The following MYBPC1 variants were observed in gnomAD, a reference collection of about 807,000 sequenced individuals.
MYBPC1 encodes myosin binding protein C1.
In MYBPC1, 52 loss-of-function variants were observed where a neutral mutation model predicts 147.1. That is an observed-to-expected ratio of 0.35 (90% CI 0.28 to 0.45). MYBPC1 has a LOEUF of 0.45. Among genes scored for constraint, MYBPC1 ranks in the 20% least tolerant of loss-of-function variants. The pLI, the probability that MYBPC1 is intolerant of heterozygous loss-of-function variation, is 1.00. For missense variants in MYBPC1, 1,228 were observed against 1,440.3 expected, an observed-to-expected ratio of 0.85 and a Z score of 2.39; for synonymous variants, 477 against 475.9, an observed-to-expected ratio of 1.00 and a Z score of -0.03.
In MYBPC1 at chr12:101,622,085, A is replaced by G. The variant is rs61935674; in HGVS notation, c.104-4787A>G. Among the ~76,000 whole-genome samples the G allele has an allele frequency of 8.9e-3, 1,361 of 152,334 alleles. 14 individuals carry two copies. The highest frequency in any genetic ancestry group is 0.017 in the Middle Eastern group (5 of 294). On this transcript the variant is annotated intron_variant, in intron 3 of 31. Transcript: ENST00000361466. ...AGTGTGTGGTTTCCCTGTATGTCAT[A>G]TTCCAACAAGCTAAAATCTGATGTT...
Position 101,678,195 on chromosome 12 carries a change from G to A in MYBPC1, c.3203G>A (p.Gly1068Asp). 1 of 1,614,116 alleles carries A rather than the reference G, an allele frequency of 6.2e-7. No homozygotes were observed. Among genetic ancestry groups the A allele is most frequent in the Non-Finnish European group, 8.5e-7 (1 of 1,179,972 alleles). The change falls in exon 28 of 32, where the codon GGT becomes GAT. Residue 1068 changes from glycine to aspartate, a missense_variant. Coordinates refer to ENST00000361466, the MANE Select transcript of MYBPC1 (RefSeq NM_002465.4). ...TTGGTTAACACCTATGCCATAGCTGGTTACAATGCCACCCTAAACTGCAGT... is the reference window on the plus strand; with the variant it reads ...TTGGTTAACACCTATGCCATAGCTGATTACAATGCCACCCTAAACTGCAGT... ...QPLVNTYAIAGYNATLNCSVR... is the reference protein window; with the variant it reads ...QPLVNTYAIADYNATLNCSVR...
chr12:101,683,356 G>A (rs1451568901), intron 30 of MYBPC1, among the ~76,000 whole-genome samples: 3 of 152,098 alleles, frequency 2.0e-5, no homozygotes, highest in Non-Finnish European at 4.4e-5. Context: ...CTTGAATCTG[G>A]AAGGTCGAGG....
the MYBPC1 span, among the ~76,000 whole-genome samples, chr12:101,692,138 G>C: frequency 6.6e-6 from 1 of 152,186 alleles, no homozygotes; most frequent in Non-Finnish European, 1.5e-5. Flanking sequence ...ATGAGACTTA[G>C]GGAGGAGAAT....
chr12:101,605,508 T>C (rs1340409433), intron 1 of MYBPC1, among the ~76,000 whole-genome samples: 1 of 152,238 alleles, frequency 6.6e-6, no homozygotes, highest in Non-Finnish European at 1.5e-5. Flanking sequence ...TTATACACAC[T>C]AACTTTAATT....
At chr12:101,626,217 C>T (rs1029653476) in intron 3 of MYBPC1, among the ~76,000 whole-genome samples, 14 of 151,036 alleles carry the variant, frequency 9.3e-5, no homozygotes, top group Non-Finnish European at 1.5e-5. Flanking sequence ...CTTTGAAGTT[C>T]AGATGTTTTT....
rs1180989423 is a variant in MYBPC1 at position 101,673,488 on chromosome 12, T to C, written c.2675T>C (p.Ile892Thr). Residue 892 changes from isoleucine to threonine, a missense_variant, in exon 25 of 32, where the codon ATA (isoleucine) becomes ACA (threonine). Physicochemically the swap from Ile to Thr is moderately conservative, Grantham distance 89. Around this residue, in one of 2 missense-constraint regions of MYBPC1, gnomAD observed 1,077 missense variants for 1,314.2 expected, o/e 0.82. Coordinates refer to ENST00000361466, the MANE Select transcript of MYBPC1 (RefSeq NM_002465.4). ...KDGAEIDKNQ[I>T]NIRNSETDTI... ...GGTGCAGAAATTGATAAGAATCAAA[T>C]AAACATTCGCAACTCTGAGACTGAT... is the stretch of plus-strand genomic sequence containing the variant. 6.2e-7 allele frequency: 1 copy of C among 1,613,832 alleles called. No individual in the cohort carries two copies.
chr12:101,657,896 A>G (rs988217817), intron 18 of MYBPC1, among the ~76,000 whole-genome samples: 9 of 152,150 alleles, frequency 5.9e-5, no homozygotes, highest in African/African-American at 2.2e-4. Flanking sequence ...CAAAAATTCT[A>G]ATGAAACATT....
intron 1 of MYBPC1, among the ~76,000 whole-genome samples, chr12:101,606,081 A>G (rs61700381): frequency 4.6e-5 from 7 of 151,470 alleles, no homozygotes; most frequent in Non-Finnish European, 1.0e-4. Context: ...AGACCCAGCT[A>G]CTCAGGAGGC....
chr12:101,670,494 C>A, intron 24 of MYBPC1, 85 bp downstream of exon 24: 1 of 1,140,966 alleles, frequency 8.8e-7, no homozygotes, highest in Non-Finnish European at 1.3e-6. Context: ...CATTTAAGTT[C>A]ATCATGATTC....
At chr12:101,628,049 T>G (rs892876331) in intron 5 of MYBPC1, 1 of 471,216 alleles carries the variant, frequency 2.1e-6, no homozygotes, top group African/African-American at 2.0e-5. Context: ...ATTTTTAATA[T>G]TTAGCAAATA....
chr12:101,637,030 C>T (rs1891132716), intron 10 of MYBPC1: 1 of 401,330 alleles, frequency 2.5e-6, no homozygotes, highest in Non-Finnish European at 4.6e-6. Flanking sequence ...ACCTAGAAAC[C>T]TCTAAGACTG....
chr12:101,631,946 A>G, intron 7 of MYBPC1, 75 bp from the exon 8 acceptor site: 6 of 1,371,560 alleles, frequency 4.4e-6, no homozygotes, highest in Non-Finnish European at 6.3e-6. Context: ...CCACAGACAG[A>G]CACAGCTTTA....
At position 101,614,517 on chromosome 12, in the gene MYBPC1, C is replaced by A; in HGVS notation, c.47C>A (p.Ala16Asp). Residue 16 changes from alanine (A) to aspartate (D), a missense_variant, in exon 2 of 32, where the codon GCC (alanine) becomes GAC (aspartate). This residue lies in a region of MYBPC1 where 151 missense variants were observed against 126.1 expected (regional missense o/e 1.20). Transcript: ENST00000361466. The part of the protein sequence containing the change: ...KKEENEVPAP[A>D]PPPEEPSKEK... Reference sequence around the variant, plus strand: ...CTAGAAAATGAAGTGCCAGCCCCAGCCCCACCCCCGGAAGGTGAGTAAAAA... The same window carrying A: ...CTAGAAAATGAAGTGCCAGCCCCAGACCCACCCCCGGAAGGTGAGTAAAAA... 1 of 1,613,650 alleles carries A rather than the reference C, an allele frequency of 6.2e-7. No homozygotes were observed. Among genetic ancestry groups the A allele is most frequent in the East Asian group, 2.2e-5 (1 of 44,854 alleles).
At chr12:101,675,201 A>G in intron 25 of MYBPC1, 91 bp from the exon 26 acceptor site, 1 of 1,529,240 alleles carries the variant, frequency 6.5e-7, no homozygotes, top group South Asian at 1.2e-5. Context: ...CCTGTAACAG[A>G]GGAAAGGGTC....
At chr12:101,616,130 G>C (rs556911154) in intron 2 of MYBPC1, among the ~76,000 whole-genome samples, 1 of 152,212 alleles carries the variant, frequency 6.6e-6, no homozygotes, top group South Asian at 2.1e-4. Flanking sequence ...ACTATGTGTC[G>C]AAATGAACGA....
intron 7 of MYBPC1, 23 bp downstream of exon 7, chr12:101,631,742 C>G: frequency 6.2e-7 from 1 of 1,613,812 alleles, no homozygotes. Context: ...ACTCCCAGGA[C>G]AGGCGCTCAG....
chr12:101,658,603 T>C (rs573318536), intron 18 of MYBPC1, among the ~76,000 whole-genome samples: 1 of 152,312 alleles, frequency 6.6e-6, no homozygotes, highest in South Asian at 2.1e-4. Flanking sequence ...ATGGTCTTTG[T>C]TCACAGATGA....
intron 21 of MYBPC1, 43 bp downstream of exon 21, chr12:101,662,589 C>A: frequency 6.2e-7 from 1 of 1,600,044 alleles, no homozygotes; most frequent in Non-Finnish European, 8.6e-7. Flanking sequence ...AATCATTGCC[C>A]CAGAGTATGA....
At chr12:101,607,440 G>T (rs1447487297) in intron 1 of MYBPC1, among the ~76,000 whole-genome samples, 1 of 152,120 alleles carries the variant, frequency 6.6e-6, no homozygotes. Context: ...CTATTTCAAA[G>T]CTAGAATTTT....
Sources: allele counts gnomAD v4.1 joint callset (sites outside exome capture counted in the v4.1 genomes callset), GRCh38; gene constraint gnomAD v4.1.1; regional missense constraint gnomAD v4.1.1; transcripts MANE v1.5; gene names NCBI Gene and HGNC (gene_info 2026-07-23, HGNC 2026-07-21).